PJA2: variants seen among roughly 807,000 people sequenced by gnomAD.
PJA2 encodes the protein praja ring finger ubiquitin ligase 2, also known as E3 ubiquitin-protein ligase Praja-2.
Under a neutral mutation model 69.3 loss-of-function variants are expected in PJA2, and 25 were observed. The ratio of observed to expected loss-of-function variants is 0.36; its 90% confidence interval spans 0.26 to 0.50. PJA2 has a LOEUF of 0.50. Among genes scored for constraint, PJA2 ranks in the 20% least tolerant of loss-of-function variants. PJA2 has a pLI of 0.96. For missense variants in PJA2, 809 were observed against 830.2 expected (o/e 0.97, Z 0.31); for synonymous variants, 308 against 277.8 (o/e 1.11, Z -1.08).
At chr5:109,346,430 CAG>C (rs1452379231) in intron 7 of PJA2, among the ~76,000 whole-genome samples, 3 of 152,152 alleles carry the variant, frequency 2.0e-5, no homozygotes, top group African/African-American at 7.2e-5. Context: ...GAACTGAAAA[CAG>C]GGACTAAAAC....
At chr5:109,388,850 T>C (rs1266467017) in intron 1 of PJA2, among the ~76,000 whole-genome samples, 2 of 152,214 alleles carry the variant, frequency 1.3e-5, no homozygotes, top group Non-Finnish European at 2.9e-5. Context: ...ATAATTAACT[T>C]ACCCTGCATT....
At chr5:109,385,663 G>A (rs1747140977) in intron 1 of PJA2, among the ~76,000 whole-genome samples, 1 of 152,140 alleles carries the variant, frequency 6.6e-6, no homozygotes, top group Non-Finnish European at 1.5e-5. Flanking sequence ...TATGAACTTG[G>A]ATGAGATCTC....
intron 1 of PJA2, among the ~76,000 whole-genome samples, chr5:109,387,287 G>A (rs556292606): frequency 5.1e-4 from 78 of 151,874 alleles, no homozygotes; most frequent in African/African-American, 1.4e-3. Flanking sequence ...TACTTAATCC[G>A]AGACCTCTAT....
At chr5:109,353,251 T>C (rs183430258) in intron 7 of PJA2, among the ~76,000 whole-genome samples, 1,674 of 138,426 alleles carry the variant, frequency 0.012, 25 homozygotes, top group African/African-American at 0.026. Flanking sequence ...TATCTATAGA[T>C]ATCTATATAT....
intron 1 of PJA2, among the ~76,000 whole-genome samples, chr5:109,400,376 A>G (rs1187029338): frequency 6.6e-6 from 1 of 151,874 alleles, no homozygotes; most frequent in Non-Finnish European, 1.5e-5. Flanking sequence ...ATGTTAAAAA[A>G]CAACAGCAAC....
intron 1 of PJA2, among the ~76,000 whole-genome samples, chr5:109,401,765 GCA>G (rs1455468670): frequency 6.6e-6 from 1 of 152,146 alleles, no homozygotes; most frequent in Non-Finnish European, 1.5e-5. Flanking sequence ...GAAAGAATAA[GCA>G]CTGGAAAAGA....
rs748300909 is a variant in PJA2 at position 109,379,090 on chromosome 5, C to G, written c.397G>C (p.Gly133Arg). The G allele has an allele frequency of 6.2e-7, 1 of 1,613,992 alleles. No individual in the cohort carries two copies. The highest frequency in any genetic ancestry group is 1.7e-5 in the Admixed American group (1 of 60,010). Residue 133 changes from glycine (G) to arginine (R), a missense_variant, in exon 4 of 10, where the codon GGA becomes CGA. Gly to Arg is a moderately radical substitution (Grantham distance 125, BLOSUM62 -2). Around this residue, in one of 4 missense-constraint regions of PJA2, gnomAD observed 700 missense variants for 639.5 expected, o/e 1.09. Transcript: ENST00000361189. ...HHSEEGRDTL[G>R]SSTNLHNHSE... is the part of the protein sequence containing the mutation. ...TGATTATGAAGATTTGTACTGCTTC[C>G]TAAGGTATCCCTGCCTTCCTCACTG...
intron 9 of PJA2, among the ~76,000 whole-genome samples, chr5:109,340,786 GATTGCAGGCTCGCGCCGC>G (rs1481890707): frequency 1.9e-5 from 2 of 104,186 alleles, no homozygotes; most frequent in Non-Finnish European, 4.5e-5. Flanking sequence ...CAGTGCCTGC[GATTGCAGGCTCGCGCCGC>G]CACACCTGAC....
At chr5:109,340,902 G>C (rs1476313885) in intron 9 of PJA2, among the ~76,000 whole-genome samples, 1 of 107,674 alleles carries the variant, frequency 9.3e-6, no homozygotes, top group Non-Finnish European at 2.3e-5. Flanking sequence ...TCGACCTCCC[G>C]AGGTGCCGGG....
chr5:109,362,604 A>T (rs984376501), intron 6 of PJA2, among the ~76,000 whole-genome samples: 9 of 152,234 alleles, frequency 5.9e-5, no homozygotes, highest in African/African-American at 2.2e-4. Flanking sequence ...TATGTAAGTA[A>T]CTAGGATGTA....
intron 1 of PJA2, among the ~76,000 whole-genome samples, chr5:109,404,916 T>C (rs1747648047): frequency 6.6e-6 from 1 of 152,242 alleles, no homozygotes; most frequent in Non-Finnish European, 1.5e-5. Context: ...TCACCACTGC[T>C]ATTCAACATC....
intron 7 of PJA2, among the ~76,000 whole-genome samples, chr5:109,347,401 T>C (rs1762188088): frequency 6.6e-6 from 1 of 152,240 alleles, no homozygotes; most frequent in Admixed American, 6.5e-5. Context: ...GGCTTCCCTG[T>C]GCACAGATGG....
At chr5:109,387,609 T>C (rs574075089) in intron 1 of PJA2, among the ~76,000 whole-genome samples, 101 of 152,324 alleles carry the variant, frequency 6.6e-4, no homozygotes, top group Non-Finnish European at 1.1e-3. Context: ...AAAACAAATA[T>C]ATAAACGTGT....
At chr5:109,352,439 C>T (rs370735111) in intron 7 of PJA2, among the ~76,000 whole-genome samples, 171 of 152,232 alleles carry the variant, frequency 1.1e-3, no homozygotes, top group African/African-American at 4.0e-3. Context: ...TTTAGCACAA[C>T]GAAATGAGTG....
At chr5:109,357,847 C>A (rs752482393) in intron 6 of PJA2, among the ~76,000 whole-genome samples, 7 of 152,236 alleles carry the variant, frequency 4.6e-5, no homozygotes, top group Non-Finnish European at 8.8e-5. Context: ...TGCAAAAAAA[C>A]TCTTCAAACG....
chr5:109,387,138 C>G (rs1747176846), intron 1 of PJA2, among the ~76,000 whole-genome samples: 1 of 152,024 alleles, frequency 6.6e-6, no homozygotes, highest in Non-Finnish European at 1.5e-5. Context: ...TTAGCCTTTC[C>G]TTATTCTCTT....
intron 1 of PJA2, among the ~76,000 whole-genome samples, chr5:109,401,422 T>C (rs77260678): frequency 6.6e-6 from 1 of 152,044 alleles, no homozygotes; most frequent in South Asian, 2.1e-4. Context: ...CTTGTACCAC[T>C]GCACTCCACT....
chr5:109,370,959 C>G (rs1017695811), intron 4 of PJA2, among the ~76,000 whole-genome samples: 2 of 152,168 alleles, frequency 1.3e-5, no homozygotes, highest in Admixed American at 6.5e-5. Context: ...AACTTCAATA[C>G]AAGAGGAATG....
intron 6 of PJA2, among the ~76,000 whole-genome samples, chr5:109,360,710 T>C (rs1247783018): frequency 6.6e-6 from 1 of 152,202 alleles, no homozygotes; most frequent in African/African-American, 2.4e-5. Flanking sequence ...AAAAAAACTA[T>C]TTGAAGCTCT....
Sources: allele counts gnomAD v4.1 joint callset (sites outside exome capture counted in the v4.1 genomes callset), GRCh38; gene constraint gnomAD v4.1.1; regional missense constraint gnomAD v4.1.1; transcripts MANE v1.5; gene names NCBI Gene and HGNC (gene_info 2026-07-23, HGNC 2026-07-21).